Variants in MME observed in about 807,000 individuals in gnomAD.
MME encodes the protein membrane metalloendopeptidase.
MME carries 98 observed loss-of-function variants against 113.2 expected under a neutral mutation model. The ratio of observed to expected loss-of-function variants is 0.87; its 90% confidence interval spans 0.74 to 1.02. MME has a LOEUF of 1.02. MME is among the 50% of genes least tolerant of loss of function. MME has a pLI of 0.00. For synonymous variants in MME, 292 were observed against 300.6 expected (o/e 0.97, Z 0.30); for missense variants, 836 against 896.0 (o/e 0.93, Z 0.86).
At chr3:155,029,077 A>G (rs1193080405) in intron 1 of MME, among the ~76,000 whole-genome samples, 4 of 152,174 alleles carry the variant, frequency 2.6e-5, no homozygotes, top group Non-Finnish European at 5.9e-5. Flanking sequence ...GTCCTAATAA[A>G]CACAACATGA....
chr3:155,162,134 G>A lies in MME; in HGVS notation c.1660+1686G>A, dbSNP rs1399210737. On this transcript the variant is annotated intron_variant, in intron 17 of 22. Transcript: ENST00000360490. ...CAGCTTCATTTCAGTCCAGCCCAGG[G>A]AGGACCCTGGATCCTATCGGAGCTC... Among the ~76,000 whole-genome samples the A allele has an allele frequency of 2.6e-5, 4 of 152,278 alleles. No individual in the cohort carries two copies. The East Asian group carries it at 7.7e-4, about 29-fold the overall frequency.
chr3:155,059,775 G>T (rs1559895440), intron 1 of MME, among the ~76,000 whole-genome samples: 1 of 151,952 alleles, frequency 6.6e-6, no homozygotes, highest in Non-Finnish European at 1.5e-5. Flanking sequence ...AATAGTATAA[G>T]AACTATATAA....
At chr3:155,167,374 A>C (rs1329947977) in intron 18 of MME, among the ~76,000 whole-genome samples, 1 of 152,142 alleles carries the variant, frequency 6.6e-6, no homozygotes, top group African/African-American at 2.4e-5. Context: ...TATGTCTTAA[A>C]ATCAGATGTA....
chr3:155,038,733 C>T (rs953631350), intron 1 of MME, among the ~76,000 whole-genome samples: 1 of 152,140 alleles, frequency 6.6e-6, no homozygotes, highest in Admixed American at 6.5e-5. Flanking sequence ...GTATAGAAGA[C>T]TCATGCTTAC....
intron 1 of MME, among the ~76,000 whole-genome samples, chr3:155,059,430 C>A (rs1466165421): frequency 2.0e-5 from 3 of 151,834 alleles, no homozygotes; most frequent in Non-Finnish European, 4.4e-5. Context: ...TCTATTTATT[C>A]CACAAATACT....
intron 3 of MME, among the ~76,000 whole-genome samples, chr3:155,098,601 C>T (rs114887270): frequency 0.026 from 3,903 of 149,760 alleles, 154 homozygotes; most frequent in African/African-American, 0.087. Context: ...TCAGTGAAGT[C>T]GAGGAACAGG....
chr3:155,080,768 C>A (rs1187907599), intron 1 of MME, among the ~76,000 whole-genome samples: 1 of 152,160 alleles, frequency 6.6e-6, no homozygotes, highest in Non-Finnish European at 1.5e-5. Context: ...TCGATTCCTC[C>A]CCCATATATG....
intron 1 of MME, among the ~76,000 whole-genome samples, chr3:155,082,979 T>C (rs1715288873): frequency 6.6e-6 from 1 of 152,248 alleles, no homozygotes; most frequent in African/African-American, 2.4e-5. Flanking sequence ...GCAATTTGTA[T>C]TGAGCTATAA....
chr3:155,097,812 A>G (rs1716865952), intron 3 of MME, among the ~76,000 whole-genome samples: 1 of 152,186 alleles, frequency 6.6e-6, no homozygotes, highest in Non-Finnish European at 1.5e-5. Flanking sequence ...TAAGGAGAGT[A>G]TGAAGACTGG....
intron 1 of MME, among the ~76,000 whole-genome samples, chr3:155,043,543 G>A (rs1713433975): frequency 6.6e-6 from 1 of 151,898 alleles, no homozygotes; most frequent in African/African-American, 2.4e-5. Flanking sequence ...TGTTGGTCAG[G>A]CTGGTCTCGA....
Position 155,148,625 on chromosome 3 carries a change from A to G in MME, c.1573A>G (p.Lys525Glu), listed in dbSNP as rs1212383488. The part of the protein sequence containing the change: ...LKFSQSKQLK[K>E]LREKVDKDEW... The stretch of plus-strand genomic sequence containing the variant: ...ATTCAGCCAAAGTAAACAACTGAAG[A>G]AGCTCCGAGAAAAGGTGGACAAAGA... Residue 525 changes from lysine to glutamate, a missense_variant, in exon 16 of 23, where the codon AAG (lysine) becomes GAG (glutamate). Lys to Glu is a moderately conservative substitution (Grantham distance 56, BLOSUM62 1). Transcript: ENST00000360490. 6.2e-7 allele frequency: 1 copy of G among 1,612,600 alleles called. No homozygotes were observed. Among genetic ancestry groups the G allele is most frequent in the African/African-American group, 1.3e-5 (1 of 74,886 alleles).
chr3:155,068,165 G>T (rs1714447337), intron 1 of MME, among the ~76,000 whole-genome samples: 1 of 151,760 alleles, frequency 6.6e-6, no homozygotes, highest in Non-Finnish European at 1.5e-5. Flanking sequence ...ATGTAAAAAG[G>T]CAAAAAAAGA....
At chr3:155,058,114 A>G (rs1714003679) in intron 1 of MME, among the ~76,000 whole-genome samples, 1 of 152,204 alleles carries the variant, frequency 6.6e-6, no homozygotes, top group African/African-American at 2.4e-5. Context: ...CAAAAACAAG[A>G]CAAAAATAAA....
chr3:155,093,312 T>C (rs1193303062), intron 3 of MME, among the ~76,000 whole-genome samples: 1 of 151,660 alleles, frequency 6.6e-6, no homozygotes, highest in Non-Finnish European at 1.5e-5. Context: ...GAAAAGTCTC[T>C]GGAAATAGTA....
At chr3:155,063,643 ATT>A (rs1714265290) in intron 1 of MME, among the ~76,000 whole-genome samples, 14 of 121,176 alleles carry the variant, frequency 1.2e-4, no homozygotes, top group South Asian at 9.4e-4. Flanking sequence ...TTGATTATAT[ATT>A]ATATTTGATT....
rs80186722 is a variant in MME at position 155,058,301 on chromosome 3, C to T, written c.-10-25857C>T. Among the ~76,000 whole-genome samples, 210 of 152,234 alleles carry T rather than the reference C, an allele frequency of 1.4e-3. 1 individual carries two copies. In the East Asian group the frequency reaches 0.033, roughly 24 times the overall value. On this transcript the variant is annotated intron_variant, in intron 1 of 22. Transcript: ENST00000492661. ...CTTCTCAAAAGACAATTAAGCACTGCGTATTTTCTCCTTGAAGGCAATGAC... is the reference window on the plus strand; with the variant it reads ...CTTCTCAAAAGACAATTAAGCACTGTGTATTTTCTCCTTGAAGGCAATGAC...
chr3:155,056,930 T>G (rs1343876576), intron 1 of MME, among the ~76,000 whole-genome samples: 7 of 152,146 alleles, frequency 4.6e-5, no homozygotes, highest in Non-Finnish European at 8.8e-5. Flanking sequence ...CCTTACACCT[T>G]ATACAAAAAT....
At chr3:155,131,514 A>G (rs1312443988) in intron 8 of MME, among the ~76,000 whole-genome samples, 2 of 152,172 alleles carry the variant, frequency 1.3e-5, no homozygotes, top group Non-Finnish European at 2.9e-5. Flanking sequence ...TAAACATGAG[A>G]TTTAGTGAAT....
chr3:155,036,844 A>G (rs550604349), intron 1 of MME, among the ~76,000 whole-genome samples: 1 of 152,126 alleles, frequency 6.6e-6, no homozygotes, highest in Admixed American at 6.6e-5. Flanking sequence ...CCTTTCTCCT[A>G]TGCCTTTTTC....
Sources: gnomAD v4.1 joint callset for allele counts (sites outside exome capture counted in the v4.1 genomes callset) on GRCh38, gnomAD v4.1.1 for gene constraint, MANE v1.5 for transcripts, NCBI Gene and HGNC (gene_info 2026-07-23, HGNC 2026-07-21) for gene names.